The following MIS18BP1 variants were observed in gnomAD, a reference collection of about 807,000 sequenced individuals.
MIS18BP1 encodes MIS18 binding protein 1, also known as mis18-binding protein 1.
MIS18BP1 carries 72 observed loss-of-function variants against 116.1 expected under a neutral mutation model. The ratio of observed to expected loss-of-function variants is 0.62; its 90% CI spans 0.51 to 0.75. The LOEUF is 0.75. Ranked by LOEUF, MIS18BP1 falls within the 30% of genes least tolerant of loss-of-function variation. The probability of loss-of-function intolerance (pLI) is 0.00; values close to 1 mark genes in which losing one functional copy is unlikely to be tolerated. For synonymous variants in MIS18BP1, 386 were observed against 427.0 expected (o/e 0.90, Z 1.18); for missense variants, 1,363 against 1,303.2 (o/e 1.05, Z -0.71).
chr14:45,224,795 TA>T, intron 10 of MIS18BP1, 49 bp from the exon 11 acceptor site: 1 of 1,256,020 alleles, frequency 8.0e-7, no homozygotes, highest in Middle Eastern at 2.2e-4. Flanking sequence ...AAATTAGCTA[TA>T]AACAAATATA....
intron 6 of MIS18BP1, 28 bp from the exon 7 acceptor site, chr14:45,232,848 G>C: frequency 9.5e-7 from 1 of 1,047,206 alleles, no homozygotes; most frequent in Non-Finnish European, 1.4e-6. Flanking sequence ...ACAACAAAAA[G>C]TATTTAAAAG....
At chr14:45,240,357 G>C (rs547000040) in intron 4 of MIS18BP1, among the ~76,000 whole-genome samples, 5 of 152,246 alleles carry the variant, frequency 3.3e-5, no homozygotes, top group Admixed American at 2.0e-4. Context: ...TCTTTAGAAA[G>C]ACATTTTGGG....
At chr14:45,245,809 C>T (rs1020327595) in intron 2 of MIS18BP1, among the ~76,000 whole-genome samples, 25 of 152,312 alleles carry the variant, frequency 1.6e-4, no homozygotes, top group Non-Finnish European at 2.1e-4. Flanking sequence ...TAATGATTCC[C>T]CAATGTACTT....
intron 7 of MIS18BP1, among the ~76,000 whole-genome samples, chr14:45,232,018 A>G (rs933521513): frequency 6.6e-6 from 1 of 152,220 alleles, no homozygotes. Flanking sequence ...ACTCTTTGAC[A>G]TATGTCAAAA....
At chr14:45,242,684 C>A in intron 3 of MIS18BP1, 77 bp downstream of exon 3, 2 of 1,469,204 alleles carry the variant, frequency 1.4e-6, no homozygotes, top group Middle Eastern at 1.9e-4. Context: ...TTAATGCCCA[C>A]ACAAGGAAAG....
intron 11 of MIS18BP1, among the ~76,000 whole-genome samples, chr14:45,222,942 G>A (rs17115912): frequency 0.18 from 27,562 of 152,078 alleles, 3,330 homozygotes; most frequent in African/African-American, 0.34. Flanking sequence ...CTACTTTGAG[G>A]CAACCATTCC....
intron 13 of MIS18BP1, among the ~76,000 whole-genome samples, chr14:45,214,527 G>A (rs1460319796): frequency 2.0e-5 from 3 of 152,118 alleles, no homozygotes. Context: ...GAGACCAGGG[G>A]CGCCGCCCGG....
intron 4 of MIS18BP1, among the ~76,000 whole-genome samples, chr14:45,239,330 A>G (rs1165339730): frequency 1.3e-5 from 2 of 152,216 alleles, no homozygotes; most frequent in African/African-American, 4.8e-5. Flanking sequence ...ACTATGAAAA[A>G]TAAATAAAAG....
rs186303974 is a variant in MIS18BP1 at position 45,212,075 on chromosome 14, C to T, written c.3004-1547G>A. Among the ~76,000 whole-genome samples, 351 of 152,248 alleles carry T rather than the reference C, an allele frequency of 2.3e-3. 8 individuals carry two copies. Among genetic ancestry groups the T allele is most frequent in the Admixed American group, 0.02 (312 of 15,282 alleles). On this transcript the variant is annotated intron_variant, in intron 13 of 16. Coordinates refer to ENST00000310806, the MANE Select transcript of MIS18BP1 (RefSeq NM_018353.5). Reference sequence around the variant, plus strand: ...TTTGCATTTGTATTTGTGGCACCCTCAGGGCTTTGCTCACATTGGACTGTC... The same window carrying T: ...TTTGCATTTGTATTTGTGGCACCCTTAGGGCTTTGCTCACATTGGACTGTC...
intron 13 of MIS18BP1, among the ~76,000 whole-genome samples, chr14:45,212,953 C>T (rs1021471216): frequency 1.3e-5 from 2 of 152,342 alleles, no homozygotes; most frequent in African/African-American, 4.8e-5. Flanking sequence ...CTTTCCTTTG[C>T]TTCCTGCTTT....
intron 13 of MIS18BP1, among the ~76,000 whole-genome samples, chr14:45,214,672 G>A (rs188946951): frequency 6.6e-6 from 1 of 152,332 alleles, no homozygotes; most frequent in African/African-American, 2.4e-5. Context: ...CAGGTGTGGA[G>A]GGGCAGGCCA....
chr14:45,234,060 C>T (rs1368269917), intron 6 of MIS18BP1, among the ~76,000 whole-genome samples: 1 of 151,970 alleles, frequency 6.6e-6, no homozygotes, highest in Non-Finnish European at 1.5e-5. Context: ...AGTCAGGCAG[C>T]ATAAAAATTG....
At chr14:45,231,089 C>A in intron 8 of MIS18BP1, 52 bp downstream of exon 8, 1 of 1,563,806 alleles carries the variant, frequency 6.4e-7, no homozygotes, top group Admixed American at 1.8e-5. Flanking sequence ...ACAATGTAGA[C>A]CATGTAAGAA....
intron 16 of MIS18BP1, 77 bp from the exon 17 acceptor site, chr14:45,204,289 A>C: frequency 6.5e-7 from 1 of 1,537,512 alleles, no homozygotes; most frequent in Non-Finnish European, 8.8e-7. Flanking sequence ...ACTATAAGGA[A>C]TAAAATGCTA....
intron 14 of MIS18BP1, among the ~76,000 whole-genome samples, chr14:45,207,796 G>A (rs1052772932): frequency 2.6e-5 from 4 of 152,174 alleles, no homozygotes; most frequent in Non-Finnish European, 5.9e-5. Flanking sequence ...TGAAAAGTAC[G>A]TCAATTACTA....
intron 9 of MIS18BP1, 75 bp downstream of exon 9, chr14:45,227,588 G>T: frequency 1.5e-6 from 2 of 1,291,398 alleles, no homozygotes; most frequent in South Asian, 1.4e-5. Flanking sequence ...CCCTGATATG[G>T]TCCCAAACCT....
chr14:45,212,128 G>A (rs929583160), intron 13 of MIS18BP1, among the ~76,000 whole-genome samples: 1 of 152,174 alleles, frequency 6.6e-6, no homozygotes, highest in Non-Finnish European at 1.5e-5. Flanking sequence ...TGAAACTGAG[G>A]CAAGGAGTTT....
At chr14:45,242,927 G>GA (rs1315378417) in intron 2 of MIS18BP1, 53 bp from the exon 3 acceptor site, 5 of 1,168,680 alleles carry the variant, frequency 4.3e-6, no homozygotes, top group African/African-American at 1.6e-5. Flanking sequence ...TAGTCACTAA[G>GA]AAAAAAACAG....
intron 9 of MIS18BP1, 110 bp downstream of exon 9, chr14:45,227,549 GAAAA>G (rs200663824): frequency 6.3e-5 from 41 of 648,968 alleles, no homozygotes; most frequent in South Asian, 1.3e-4. Context: ...CATCTCAAAA[GAAAA>G]AAAAAAAAAA....
Sources: allele counts gnomAD v4.1 joint callset (sites outside exome capture counted in the v4.1 genomes callset), GRCh38; gene constraint gnomAD v4.1.1; transcripts MANE v1.5; gene names NCBI Gene and HGNC (gene_info 2026-07-23, HGNC 2026-07-21).